Variants in CDH5 observed in about 807,000 individuals in gnomAD.
CDH5 encodes cadherin 5, also known as cadherin-5.
A neutral mutation model predicts 62.0 loss-of-function variants in CDH5; 28 were observed. The observed-to-expected ratio is 0.45, with a 90% confidence interval of 0.33 to 0.62. The LOEUF is 0.62. CDH5 is among the 20% of genes least tolerant of loss of function. CDH5 has a pLI of 0.02. For missense variants in CDH5, 940 were observed against 1,065.1 expected (o/e 0.88, Z 1.63); for synonymous variants, 464 against 445.8 (o/e 1.04, Z -0.52).
intron 1 of CDH5, among the ~76,000 whole-genome samples, chr16:66,375,016 C>T (rs554540917): frequency 3.4e-4 from 51 of 151,624 alleles, no homozygotes; most frequent in African/African-American, 9.2e-4. Flanking sequence ...TTCTGAAAAA[C>T]GAGTTCAGGT....
intron 2 of CDH5, 53 bp downstream of exon 2, chr16:66,379,600 A>G: frequency 6.6e-7 from 1 of 1,524,594 alleles, no homozygotes; most frequent in Non-Finnish European, 9.1e-7. Context: ...GCCCATAGTG[A>G]CAAGTGGTGG....
chr16:66,378,560 A>G (rs946634551), intron 1 of CDH5, among the ~76,000 whole-genome samples: 10 of 152,306 alleles, frequency 6.6e-5, no homozygotes, highest in African/African-American at 2.2e-4. Context: ...ACTTACTCCA[A>G]TGTGAACTTA....
chr16:66,378,891 C>T lies in CDH5; in HGVS notation c.-19-428C>T, dbSNP rs8053902. ...GAACAGATAAAGGGAGTTAGGTTCCCTATGGAAGCTGCTCACACCCTTAGG... is the reference window on the plus strand; with the variant it reads ...GAACAGATAAAGGGAGTTAGGTTCCTTATGGAAGCTGCTCACACCCTTAGG... On this transcript the variant is annotated intron_variant, in intron 1 of 11. Coordinates refer to ENST00000341529, the MANE Select transcript of CDH5 (RefSeq NM_001795.5). Among the ~76,000 whole-genome samples the T allele has an allele frequency of 8.4e-3, 1,275 of 152,284 alleles. 9 individuals carry two copies. Among genetic ancestry groups the T allele is most frequent in the South Asian group, 0.025 (121 of 4,822 alleles).
intron 6 of CDH5, 89 bp downstream of exon 6, chr16:66,390,679 A>G: frequency 4.1e-6 from 5 of 1,212,544 alleles, no homozygotes; most frequent in Middle Eastern, 2.6e-4. Flanking sequence ...CCTGGGCCAG[A>G]GACCATCAAA....
At chr16:66,379,120 A>G (rs1434620585) in intron 1 of CDH5, 199 bp from the exon 2 acceptor site, 7 of 550,834 alleles carry the variant, frequency 1.3e-5, no homozygotes, top group Admixed American at 3.6e-5. Context: ...TTGTTTACTC[A>G]TGTTGTCCTA....
chr16:66,380,589 G>A (rs1243955222), intron 2 of CDH5, among the ~76,000 whole-genome samples: 1 of 151,940 alleles, frequency 6.6e-6, no homozygotes, highest in African/African-American at 2.4e-5. Context: ...TGGTTGTAAT[G>A]GTGATGATGA....
intron 1 of CDH5, among the ~76,000 whole-genome samples, chr16:66,373,919 G>T (rs1960737523): frequency 6.6e-6 from 1 of 152,026 alleles, no homozygotes; most frequent in Admixed American, 6.6e-5. Flanking sequence ...AAATGCGCTG[G>T]CATGGATGAA....
rs372124966 is a variant in CDH5 at position 66,370,920 on chromosome 16, C to T, written c.-20+4162C>T. ...GAGAGCTGGCAGGGTGGGCAGGGGA[C>T]AACCATGCTAGGCCTTAAGGGCTGG... On this transcript the variant is annotated intron_variant, in intron 1 of 11. Coordinates refer to ENST00000341529, the MANE Select transcript of CDH5 (RefSeq NM_001795.5). Among the ~76,000 whole-genome samples, 164 of 152,228 alleles carry T rather than the reference C, an allele frequency of 1.1e-3. 1 individual carries two copies. The highest frequency in any genetic ancestry group is 3.7e-3 in the African/African-American group (155 of 41,534).
chr16:66,401,167 G>GTGCAGGA, intron 11 of CDH5, 151 bp downstream of exon 11: 3 of 1,052,420 alleles, frequency 2.9e-6, no homozygotes, highest in Non-Finnish European at 2.8e-6. Flanking sequence ...GCCAGTTCAT[G>GTGCAGGA]TGCAGGATGC....
chr16:66,381,211 C>G (rs1322499919), intron 2 of CDH5, among the ~76,000 whole-genome samples: 2 of 152,204 alleles, frequency 1.3e-5, no homozygotes, highest in African/African-American at 4.8e-5. Context: ...ATCCCTGGTT[C>G]CCTGTGACCC....
At chr16:66,387,873 C>A (rs894939395) in intron 3 of CDH5, among the ~76,000 whole-genome samples, 1 of 152,104 alleles carries the variant, frequency 6.6e-6, no homozygotes, top group Non-Finnish European at 1.5e-5. Context: ...CCAGAGGGTG[C>A]CAGAAAAGAG....
rs986062102 is a variant in CDH5 at position 66,392,346 on chromosome 16, C to T, written c.1180C>T (p.Leu394=). The T allele has an allele frequency of 6.2e-7, 1 of 1,614,064 alleles. No individual in the cohort carries two copies. The highest frequency in any genetic ancestry group is 8.5e-7 in the Non-Finnish European group (1 of 1,180,042). Residue 394 remains leucine (L), a synonymous_variant, in exon 7 of 12, where the codon CTG becomes TTG. Transcript: ENST00000341529. ...NQKKPLIGTV[L]AMDPDAARHS... is the part of the protein sequence containing the mutation. ...GAAGAAGCCTCTGATTGGCACAGTG[C>T]TGGCCATGGACCCTGATGCGGCTAG...
chr16:66,388,250 T>C (rs1961020443), intron 3 of CDH5, 74 bp from the exon 4 acceptor site: 4 of 911,034 alleles, frequency 4.4e-6, no homozygotes, highest in Non-Finnish European at 7.3e-6. Flanking sequence ...CTGAGCCCCA[T>C]CTGCTCTGTT....
rs563622510 is a variant in CDH5, at chr16:66,378,535, T to C, written c.-19-784T>C. Among the ~76,000 whole-genome samples the C allele has an allele frequency of 1.6e-4, 24 of 152,354 alleles. No homozygotes were observed. The South Asian group carries it at 4.6e-3, about 29-fold the overall frequency. ...ATTAGCTATCAGACACTTGGGTTCC[T>C]GTCTGAGTCCCACCACTTACTCCAA... is the stretch of plus-strand genomic sequence containing the variant. On this transcript the variant is annotated intron_variant, in intron 1 of 11. Coordinates refer to ENST00000341529, the MANE Select transcript of CDH5 (RefSeq NM_001795.5).
chr16:66,371,651 AC>A (rs950807256), intron 1 of CDH5, among the ~76,000 whole-genome samples: 32 of 151,666 alleles, frequency 2.1e-4, no homozygotes, highest in African/African-American at 7.5e-4. Flanking sequence ...CCTCTGCCCC[AC>A]CCCTGAGGCC....
In CDH5 at chr16:66,372,426, C is replaced by T. The variant is rs532919623; in HGVS notation, c.-20+5668C>T. ...CAGAGGAGAGAGGACAGCAAGTGCA[C>T]GGGCAGGGAGGATGCAACCAAACCT... On this transcript the variant is annotated intron_variant, in intron 1 of 11. Coordinates refer to ENST00000341529, the MANE Select transcript of CDH5 (RefSeq NM_001795.5). Among the ~76,000 whole-genome samples the T allele has an allele frequency of 3.3e-5, 5 of 152,310 alleles. No individual in the cohort carries two copies. The South Asian group carries it at 1.0e-3, about 32-fold the overall frequency.
At chr16:66,368,162 C>T (rs1390186517) in intron 1 of CDH5, among the ~76,000 whole-genome samples, 4 of 152,088 alleles carry the variant, frequency 2.6e-5, no homozygotes, top group African/African-American at 9.7e-5. Context: ...AAGGGCATTC[C>T]CAGGGAGGCA....
rs766704227 is a variant in CDH5 at position 66,379,300 on chromosome 16, G to A, written c.-19-19G>A. On this transcript the variant is annotated intron_variant, in intron 1 of 11. Transcript: ENST00000341529. The stretch of plus-strand genomic sequence containing the variant: ...CATCGTCACTGGCCAGAGTCTGAAT[G>A]TGTCTCCTCTTTCCCCAGATCTGTT... The A allele has an allele frequency of 2.6e-6, 4 of 1,554,048 alleles. No homozygotes were observed. Among genetic ancestry groups the A allele is most frequent in the Non-Finnish European group, 2.6e-6 (3 of 1,136,104 alleles).
rs758404427 is a variant in CDH5 at position 66,386,792 on chromosome 16, CA to C, written c.211-16del. On this transcript the variant is annotated splice_polypyrimidine_tract_variant and intron_variant, in intron 2 of 11. Transcript: ENST00000341529. ...ACTGCCGCCCATTCCCAGCTCACGT[CA>C]CCTCTTCTTTTCTAGATCAAGTCAA... is the stretch of plus-strand genomic sequence containing the variant. 1.9e-5 allele frequency: 30 copies of C among 1,582,800 alleles called. No individual in the cohort carries two copies. The highest frequency in any genetic ancestry group is 2.2e-5 in the Non-Finnish European group (26 of 1,162,344).
Sources: gnomAD v4.1 joint callset for allele counts (sites outside exome capture counted in the v4.1 genomes callset) on GRCh38, gnomAD v4.1.1 for gene constraint, MANE v1.5 for transcripts, NCBI Gene and HGNC (gene_info 2026-07-23, HGNC 2026-07-21) for gene names.